Variants in EDIL3 observed in about 807,000 individuals in gnomAD.
EDIL3 encodes the protein EGF-like repeat and discoidin I-like domain-containing protein 3.
Under a neutral mutation model 67.4 loss-of-function variants are expected in EDIL3, and 37 were observed. The observed-to-expected ratio is 0.55, with a 90% CI of 0.42 to 0.72. EDIL3 has a LOEUF of 0.72. EDIL3 is among the 30% of genes least tolerant of loss of function. EDIL3 has a pLI of 0.00. For synonymous variants in EDIL3, 195 were observed against 196.3 expected (o/e 0.99, Z 0.05); for missense variants, 527 against 586.3 (o/e 0.90, Z 1.04).
At chr5:84,312,229 GT>G (rs1406917721) in intron 1 of EDIL3, among the ~76,000 whole-genome samples, 85 of 144,036 alleles carry the variant, frequency 5.9e-4, no homozygotes, top group Non-Finnish European at 8.8e-4. Flanking sequence ...GGCTGGCCGG[GT>G]GGGGGGCTGA....
intron 3 of EDIL3, among the ~76,000 whole-genome samples, chr5:84,182,116 C>A (rs1432214683): frequency 6.6e-6 from 1 of 151,964 alleles, no homozygotes; most frequent in African/African-American, 2.4e-5. Context: ...ACTCCTCCTG[C>A]ATGGGTCAAA....
intron 1 of EDIL3, among the ~76,000 whole-genome samples, chr5:84,365,233 A>G (rs549455565): frequency 6.6e-6 from 1 of 152,282 alleles, no homozygotes; most frequent in East Asian, 1.9e-4. Flanking sequence ...CACAGAAACA[A>G]CCAGCCATGA....
At chr5:84,138,264 T>C (rs1419067963) in intron 4 of EDIL3, among the ~76,000 whole-genome samples, 2 of 152,162 alleles carry the variant, frequency 1.3e-5, no homozygotes, top group Admixed American at 1.3e-4. Context: ...CATAACAGTT[T>C]GTTGTTGTTG....
At chr5:84,103,332 C>T (rs191432310) in intron 6 of EDIL3, among the ~76,000 whole-genome samples, 25 of 152,012 alleles carry the variant, frequency 1.6e-4, no homozygotes, top group East Asian at 1.2e-3. Context: ...GACAAAGAGA[C>T]GGAAAACAAT....
intron 3 of EDIL3, among the ~76,000 whole-genome samples, chr5:84,219,879 C>T (rs980119470): frequency 2.0e-5 from 3 of 151,818 alleles, no homozygotes; most frequent in African/African-American, 4.8e-5. Flanking sequence ...ATAAACTTTG[C>T]ATATTCTCAC....
chr5:84,252,133 G>A (rs1407705529), intron 2 of EDIL3, among the ~76,000 whole-genome samples: 18 of 152,148 alleles, frequency 1.2e-4, no homozygotes, highest in Non-Finnish European at 1.5e-5. Context: ...TCAGTCTTCA[G>A]ATAAAATGTT....
At chr5:83,980,071 T>C (rs1744943132) in intron 9 of EDIL3, among the ~76,000 whole-genome samples, 1 of 152,138 alleles carries the variant, frequency 6.6e-6, no homozygotes, top group Admixed American at 6.6e-5. Flanking sequence ...AATGAAACTC[T>C]TGAGACCCTC....
intron 1 of EDIL3, among the ~76,000 whole-genome samples, chr5:84,365,034 G>A (rs537429507): frequency 1.1e-3 from 168 of 152,040 alleles, no homozygotes; most frequent in South Asian, 2.1e-3. Context: ...GTTGCTGTTC[G>A]CTTGTTTTGA....
At chr5:84,199,875 T>C (rs558271938) in intron 3 of EDIL3, among the ~76,000 whole-genome samples, 1 of 152,140 alleles carries the variant, frequency 6.6e-6, no homozygotes, top group African/African-American at 2.4e-5. Flanking sequence ...GCCTTGCAAA[T>C]TTATTCTGTA....
At chr5:84,276,734 A>T (rs984674662) in intron 1 of EDIL3, among the ~76,000 whole-genome samples, 2 of 151,780 alleles carry the variant, frequency 1.3e-5, no homozygotes, top group Admixed American at 6.6e-5. Flanking sequence ...ACGCTCGGCT[A>T]AATTTTTTTT....
intron 5 of EDIL3, among the ~76,000 whole-genome samples, chr5:84,129,520 T>C (rs573681829): frequency 6.6e-6 from 1 of 152,150 alleles, no homozygotes; most frequent in Admixed American, 6.6e-5. Context: ...CAAACTGTCC[T>C]TCTGTCCCAC....
chr5:83,997,048 C>T (rs1745248856), intron 9 of EDIL3, among the ~76,000 whole-genome samples: 1 of 152,082 alleles, frequency 6.6e-6, no homozygotes, highest in African/African-American at 2.4e-5. Flanking sequence ...GAGAAAAAAA[C>T]TTGTCCTGTA....
chr5:84,153,802 A>G (rs560595257), intron 4 of EDIL3, among the ~76,000 whole-genome samples: 1 of 152,292 alleles, frequency 6.6e-6, no homozygotes, highest in African/African-American at 2.4e-5. Flanking sequence ...TTTACATTTT[A>G]CAACATATTC....
intron 6 of EDIL3, among the ~76,000 whole-genome samples, chr5:84,082,694 A>G (rs982588469): frequency 2.6e-5 from 4 of 152,188 alleles, no homozygotes; most frequent in African/African-American, 9.7e-5. Context: ...ATACATTAAC[A>G]TATGTTCTGA....
rs1744835908 is a variant in EDIL3, at chr5:84,243,338, A to G, written c.196+10746T>C. ...TACAGCTGGACCTCCATATTTAAGA[A>G]GTAATGAAATCTAACCTTGGAAGCC... is the stretch of plus-strand genomic sequence containing the variant. On this transcript the variant is annotated intron_variant, in intron 2 of 10. Coordinates refer to ENST00000296591, the MANE Select transcript of EDIL3 (RefSeq NM_005711.5). Among the ~76,000 whole-genome samples, 4 of 152,246 alleles carry G rather than the reference A, an allele frequency of 2.6e-5. No individual in the cohort carries two copies. The South Asian group carries it at 8.3e-4, about 31-fold the overall frequency.
chr5:84,295,524 G>T (rs1010465207), intron 1 of EDIL3, among the ~76,000 whole-genome samples: 1 of 151,968 alleles, frequency 6.6e-6, no homozygotes, highest in Non-Finnish European at 1.5e-5. Flanking sequence ...GAATTAATTT[G>T]TAAATGAGTA....
At chr5:84,370,323 A>C (rs1463160608) in intron 1 of EDIL3, among the ~76,000 whole-genome samples, 2 of 152,216 alleles carry the variant, frequency 1.3e-5, no homozygotes, top group Admixed American at 6.5e-5. Flanking sequence ...GCTCCTCGGC[A>C]GACACAGTTC....
intron 1 of EDIL3, among the ~76,000 whole-genome samples, chr5:84,274,014 CT>C (rs34370464): frequency 0.14 from 20,749 of 152,146 alleles, 1,771 homozygotes; most frequent in Middle Eastern, 0.2. Flanking sequence ...TATTTTTCCC[CT>C]ATCTTTGTCC....
intron 9 of EDIL3, among the ~76,000 whole-genome samples, chr5:84,017,268 G>A (rs1321877855): frequency 6.6e-6 from 1 of 152,114 alleles, no homozygotes; most frequent in Admixed American, 6.6e-5. Flanking sequence ...AATGTGCCAG[G>A]CTGCTATGCA....
Sources: gnomAD v4.1 joint callset for allele counts (sites outside exome capture counted in the v4.1 genomes callset) on GRCh38, gnomAD v4.1.1 for gene constraint, MANE v1.5 for transcripts, NCBI Gene and HGNC (gene_info 2026-07-23, HGNC 2026-07-21) for gene names.